Variants in FAM135B observed in about 807,000 individuals in gnomAD.
FAM135B encodes the protein protein FAM135B.
A neutral mutation model predicts 127.7 loss-of-function variants in FAM135B; 43 were observed. The observed-to-expected ratio is 0.34, with a 90% CI of 0.26 to 0.43. FAM135B has a LOEUF of 0.43. Among genes scored for constraint, FAM135B ranks in the 20% least tolerant of loss-of-function variants. The probability of loss-of-function intolerance (pLI) is 1.00; values close to 1 mark genes in which losing one functional copy is unlikely to be tolerated. For missense variants in FAM135B, 1,558 were observed against 1,725.6 expected (o/e 0.90, Z 1.72); for synonymous variants, 670 against 665.1 (o/e 1.01, Z -0.11).
At chr8:138,189,137 G>A (rs1053662114) in intron 9 of FAM135B, among the ~76,000 whole-genome samples, 3 of 152,178 alleles carry the variant, frequency 2.0e-5, no homozygotes, top group Non-Finnish European at 2.9e-5. Context: ...GCAGCTGGAT[G>A]CCTCCCCAGA....
chr8:138,344,578 T>TTTC (rs746261354), intron 2 of FAM135B, among the ~76,000 whole-genome samples: 42 of 1,584 alleles, frequency 0.027, no homozygotes, highest in African/African-American at 0.033. Context: ...TCTTTCTTTC[T>TTTC]TTTTTTTTTT....
chr8:138,257,346 G>A lies in FAM135B; in HGVS notation c.298-587C>T, dbSNP rs538660292. Among the ~76,000 whole-genome samples the A allele has an allele frequency of 1.1e-4, 17 of 152,056 alleles. No homozygotes were observed. The East Asian group carries it at 2.5e-3, about 22-fold the overall frequency. ...TTGAAATCCATTGTATTTAACCATT[G>A]TCACTTTAAGACACTGGCATTTTAT... On this transcript the variant is annotated intron_variant, in intron 4 of 19. Transcript: ENST00000395297.
intron 11 of FAM135B, among the ~76,000 whole-genome samples, chr8:138,174,818 A>G (rs1197948253): frequency 6.6e-6 from 1 of 152,030 alleles, no homozygotes; most frequent in Non-Finnish European, 1.5e-5. Flanking sequence ...TTCCTCTCAC[A>G]GCGATGCATG....
At chr8:138,220,656 A>G (rs1818959233) in intron 7 of FAM135B, among the ~76,000 whole-genome samples, 1 of 151,970 alleles carries the variant, frequency 6.6e-6, no homozygotes, top group Non-Finnish European at 1.5e-5. Flanking sequence ...GGGGATGGTA[A>G]TGATGCTAGT....
chr8:138,361,564 T>C (rs1830424701), intron 2 of FAM135B, among the ~76,000 whole-genome samples: 1 of 152,204 alleles, frequency 6.6e-6, no homozygotes. Flanking sequence ...TTTACATCTC[T>C]AACATTCCTT....
At chr8:138,147,722 A>G (rs971321896) in intron 14 of FAM135B, among the ~76,000 whole-genome samples, 2 of 152,164 alleles carry the variant, frequency 1.3e-5, no homozygotes, top group Non-Finnish European at 2.9e-5. Flanking sequence ...CTGACAGTAC[A>G]AAAGGGGTGA....
chr8:138,246,202 T>C (rs986241878), intron 6 of FAM135B, among the ~76,000 whole-genome samples: 2 of 152,138 alleles, frequency 1.3e-5, no homozygotes, highest in Non-Finnish European at 2.9e-5. Context: ...GGAAAGAAAC[T>C]CAAGCCTGCT....
chr8:138,146,507 C>T (rs1198095330), intron 14 of FAM135B, among the ~76,000 whole-genome samples: 2 of 152,098 alleles, frequency 1.3e-5, no homozygotes, highest in Non-Finnish European at 2.9e-5. Flanking sequence ...GCCTCCCTAC[C>T]TCCCAACTGG....
chr8:138,376,984 T>C (rs1038518227), intron 1 of FAM135B, among the ~76,000 whole-genome samples: 1 of 152,240 alleles, frequency 6.6e-6, no homozygotes, highest in African/African-American at 2.4e-5. Context: ...TTACATTTTT[T>C]AAATGTACTA....
intron 7 of FAM135B, among the ~76,000 whole-genome samples, chr8:138,226,120 CT>C (rs1377584089): frequency 6.8e-6 from 1 of 146,530 alleles, no homozygotes. Flanking sequence ...CCTTGAAGTT[CT>C]AAAAAAATAC....
chr8:138,226,911 G>T (rs567009929), intron 7 of FAM135B, among the ~76,000 whole-genome samples: 30 of 151,138 alleles, frequency 2.0e-4, no homozygotes, highest in Non-Finnish European at 3.1e-4. Context: ...TGGCCAGGCT[G>T]GTCTCAAACT....
chr8:138,487,483 G>A (rs192770579), intron 1 of FAM135B, among the ~76,000 whole-genome samples: 2 of 152,148 alleles, frequency 1.3e-5, no homozygotes, highest in South Asian at 2.1e-4. Flanking sequence ...GAACAGTGGG[G>A]TGCTGTACTT....
At chr8:138,423,391 G>A (rs989529353) in intron 1 of FAM135B, among the ~76,000 whole-genome samples, 1 of 152,146 alleles carries the variant, frequency 6.6e-6, no homozygotes, top group Non-Finnish European at 1.5e-5. Flanking sequence ...TTTTCCCTAA[G>A]CATCAGCCAG....
At chr8:138,407,223 G>A (rs1197839715) in intron 1 of FAM135B, among the ~76,000 whole-genome samples, 12 of 149,718 alleles carry the variant, frequency 8.0e-5, no homozygotes, top group Non-Finnish European at 1.3e-4. Flanking sequence ...CCTCTTCAAG[G>A]AGAACTACAA....
At chr8:138,473,399 G>A (rs1256319368) in intron 1 of FAM135B, among the ~76,000 whole-genome samples, 1 of 152,046 alleles carries the variant, frequency 6.6e-6, no homozygotes, top group African/African-American at 2.4e-5. Flanking sequence ...CAACCCTCCT[G>A]TATAAGGGGA....
chr8:138,240,459 C>A (rs774311579), intron 7 of FAM135B, among the ~76,000 whole-genome samples: 15 of 152,196 alleles, frequency 9.9e-5, no homozygotes, highest in African/African-American at 3.6e-4. Flanking sequence ...CTGGCTCCTG[C>A]CGTGTGAAGC....
rs1223633255 is a variant in FAM135B, at chr8:138,400,757, G to A, written c.-19-32755C>T. On this transcript the variant is annotated intron_variant, in intron 1 of 19. Transcript: ENST00000395297. ...AGCTACCCACTGCCTCACTCTACACGTAGGGAAGTGTCCCATCCCCCTAAT... is the reference window on the plus strand; with the variant it reads ...AGCTACCCACTGCCTCACTCTACACATAGGGAAGTGTCCCATCCCCCTAAT... Among the ~76,000 whole-genome samples, 12 of 152,250 alleles carry A rather than the reference G, an allele frequency of 7.9e-5. No individual in the cohort carries two copies. The South Asian group carries it at 2.1e-3, about 26-fold the overall frequency.
intron 11 of FAM135B, among the ~76,000 whole-genome samples, chr8:138,172,049 T>C (rs16908414): frequency 0.53 from 79,976 of 152,012 alleles, 21,644 homozygotes; most frequent in East Asian, 0.81. Context: ...TGTTTTCTGG[T>C]GTTCTGTGGA....
chr8:138,346,158 C>T (rs1347769398), intron 2 of FAM135B, among the ~76,000 whole-genome samples: 1 of 152,152 alleles, frequency 6.6e-6, no homozygotes, highest in East Asian at 1.9e-4. Flanking sequence ...ACAACAGGTG[C>T]TGGCAAGGTT....
Sources: allele counts gnomAD v4.1 joint callset (sites outside exome capture counted in the v4.1 genomes callset), GRCh38; gene constraint gnomAD v4.1.1; transcripts MANE v1.5; gene names NCBI Gene and HGNC (gene_info 2026-07-23, HGNC 2026-07-21).